Variants in SSH2 observed in about 807,000 individuals in gnomAD.
SSH2 encodes the protein slingshot protein phosphatase 2, also known as protein phosphatase Slingshot homolog 2.
Under a neutral mutation model 135.2 loss-of-function variants are expected in SSH2, and 37 were observed. The observed-to-expected ratio is 0.27, with a 90% CI of 0.21 to 0.36. The LOEUF is 0.36. Among genes scored for constraint, SSH2 ranks in the 10% least tolerant of loss-of-function variants. The pLI, the probability that SSH2 is intolerant of heterozygous loss-of-function variation, is 1.00. For synonymous variants in SSH2, 628 were observed against 646.2 expected (o/e 0.97, Z 0.43); for missense variants, 1,408 against 1,765.3 (o/e 0.80, Z 3.63).
chr17:29,863,068 T>C (rs1175160583), intron 1 of SSH2, among the ~76,000 whole-genome samples: 1 of 125,298 alleles, frequency 8.0e-6, no homozygotes, highest in Non-Finnish European at 1.7e-5. Context: ...AAAAGGATTG[T>C]TTTTTTTTTA....
chr17:29,638,895 T>C (rs2036030997), intron 14 of SSH2, among the ~76,000 whole-genome samples: 1 of 151,964 alleles, frequency 6.6e-6, no homozygotes, highest in Non-Finnish European at 1.5e-5. Context: ...TGTTTAAAAA[T>C]TATAATCAGA....
At chr17:29,841,883 C>A (rs1038271890) in intron 2 of SSH2, among the ~76,000 whole-genome samples, 4 of 146,284 alleles carry the variant, frequency 2.7e-5, no homozygotes, top group African/African-American at 7.6e-5. Flanking sequence ...TACACCACCC[C>A]CTTGGCTAAT....
chr17:29,889,802 CAAAA>C (rs534822390), intron 1 of SSH2, among the ~76,000 whole-genome samples: 2 of 49,470 alleles, frequency 4.0e-5, no homozygotes, highest in Admixed American at 2.5e-4. Flanking sequence ...CCATCTCTAC[CAAAA>C]AAAAAAAAAA....
chr17:29,913,347 A>AAATTATATATAT lies in SSH2; in HGVS notation c.63+16590_63+16591insATATATATAATT. On this transcript the variant is annotated intron_variant, in intron 1 of 15. Coordinates refer to ENST00000540801, the MANE Select transcript of SSH2 (RefSeq NM_001282129.2). ...AAAAAAAAAAAAAAAAAAAAAAAAA[A>AAATTATATATAT]ATATATATATATATATATATATATA... Among the ~76,000 whole-genome samples the AAATTATATATAT allele has an allele frequency of 3.5e-4, 10 of 28,784 alleles. 3 individuals are homozygous for AAATTATATATAT. In the East Asian group the frequency reaches 0.011, roughly 32 times the overall value. 18.9% of individuals were successfully genotyped at this position (28,784 alleles called of 152,430 possible). A position where few individuals can be genotyped will look rare whatever the true frequency, so the allele number is the denominator to read the frequency against.
chr17:29,894,060 A>C (rs2066399249), intron 1 of SSH2, among the ~76,000 whole-genome samples: 2 of 152,104 alleles, frequency 1.3e-5, no homozygotes, highest in African/African-American at 4.8e-5. Context: ...GTTCTCCATA[A>C]GTGATCTCAT....
chr17:29,913,353 TATATATATATATA>T (rs2066816032), intron 1 of SSH2, among the ~76,000 whole-genome samples: 1 of 28,596 alleles, frequency 3.5e-5, no homozygotes, highest in Middle Eastern at 0.033. Context: ...AAAAAATATA[TATATATATATATA>T]TATATATATA....
intron 3 of SSH2, among the ~76,000 whole-genome samples, chr17:29,781,473 CTTTTT>C (rs541361010): frequency 1.2e-5 from 1 of 81,840 alleles, no homozygotes. Context: ...CCTGTGTTTT[CTTTTT>C]TTTTTTTTTT....
chr17:29,644,302 C>T (rs1471970472), intron 14 of SSH2, among the ~76,000 whole-genome samples: 1 of 152,182 alleles, frequency 6.6e-6, no homozygotes, highest in Non-Finnish European at 1.5e-5. Flanking sequence ...CCCTAGCTCC[C>T]TCAGCACGGG....
At chr17:29,740,072 G>A (rs534408592) in intron 3 of SSH2, among the ~76,000 whole-genome samples, 3 of 152,098 alleles carry the variant, frequency 2.0e-5, no homozygotes, top group South Asian at 2.1e-4. Context: ...GATTGACCTC[G>A]CAGTATCTGT....
chr17:29,858,096 A>C (rs373556008), intron 1 of SSH2, among the ~76,000 whole-genome samples: 2 of 152,218 alleles, frequency 1.3e-5, no homozygotes, highest in African/African-American at 2.4e-5. Context: ...TATTGCACAC[A>C]TATGGCATTT....
At chr17:29,858,325 G>T (rs2065701722) in intron 1 of SSH2, among the ~76,000 whole-genome samples, 3 of 152,190 alleles carry the variant, frequency 2.0e-5, no homozygotes, top group Admixed American at 6.5e-5. Context: ...GAGGCAAGGA[G>T]TCCTAAAATC....
At chr17:29,873,029 G>T (rs1464167808) in intron 1 of SSH2, among the ~76,000 whole-genome samples, 2 of 151,996 alleles carry the variant, frequency 1.3e-5, no homozygotes, top group African/African-American at 2.4e-5. Flanking sequence ...GTACAGTAAG[G>T]TGAAAGTAAT....
intron 15 of SSH2, among the ~76,000 whole-genome samples, chr17:29,633,631 A>G (rs765937219): frequency 5.9e-5 from 9 of 152,232 alleles, no homozygotes; most frequent in Non-Finnish European, 1.3e-4. Context: ...ACACAGCCAC[A>G]TGCCTTAGCA....
chr17:29,887,045 G>A (rs559464853), intron 1 of SSH2, among the ~76,000 whole-genome samples: 3 of 152,152 alleles, frequency 2.0e-5, no homozygotes, highest in Non-Finnish European at 4.4e-5. Context: ...CAGAGCCAGA[G>A]TTAAGTGGTA....
At chr17:29,908,243 A>C (rs1244715261) in intron 1 of SSH2, among the ~76,000 whole-genome samples, 1 of 152,018 alleles carries the variant, frequency 6.6e-6, no homozygotes, top group African/African-American at 2.4e-5. Flanking sequence ...CTTGAGTCCA[A>C]GAGTTCAAGA....
rs376433900 is a variant in SSH2, at chr17:29,684,597, T to G, written c.445A>C (p.Ile149Leu). The change falls in exon 6 of 16, where the codon ATC becomes CTC. Residue 149 changes from isoleucine to leucine, a missense_variant. Transcript: ENST00000540801. ...TNGRQDTEES[I>L]VLGMDFSSND... is the part of the protein sequence containing the mutation. ...GAGGAGAAATCCATTCCTAGGACGA[T>G]GCTTTCTTCAGTGTCTTGTCTACCA... is the stretch of plus-strand genomic sequence containing the variant. The G allele has an allele frequency of 1.4e-5, 22 of 1,613,648 alleles. No homozygotes were observed. In the Middle Eastern group the frequency reaches 5.0e-4, roughly 36 times the overall value.
chr17:29,889,828 A>AAAAAAAC (rs2066315091), intron 1 of SSH2, among the ~76,000 whole-genome samples: 1 of 147,276 alleles, frequency 6.8e-6, no homozygotes, highest in Non-Finnish European at 1.5e-5. Context: ...AAAAAAAAAA[A>AAAAAAAC]CCAGCCAGGT....
chr17:29,867,779 T>G (rs2065877575), intron 1 of SSH2, among the ~76,000 whole-genome samples: 1 of 152,176 alleles, frequency 6.6e-6, no homozygotes, highest in Admixed American at 6.5e-5. Flanking sequence ...AAGAGCCTAT[T>G]TCCTCGCAAG....
At chr17:29,777,268 T>C (rs1380596400) in intron 3 of SSH2, among the ~76,000 whole-genome samples, 1 of 152,128 alleles carries the variant, frequency 6.6e-6, no homozygotes, top group Non-Finnish European at 1.5e-5. Context: ...AGCTATTTAA[T>C]CATTAAATCT....
Sources: allele counts gnomAD v4.1 joint callset (sites outside exome capture counted in the v4.1 genomes callset), GRCh38; gene constraint gnomAD v4.1.1; transcripts MANE v1.5; gene names NCBI Gene and HGNC (gene_info 2026-07-23, HGNC 2026-07-21).